INSC: variants seen among roughly 807,000 people sequenced by gnomAD.
INSC encodes the protein protein inscuteable homolog.
In INSC, 67 loss-of-function variants were observed where a neutral mutation model predicts 58.6. The observed-to-expected ratio is 1.14, with a 90% CI of 0.94 to 1.40. The LOEUF (loss-of-function observed/expected upper bound fraction) is 1.40. INSC is among the 40% of genes most tolerant of loss of function. The probability of loss-of-function intolerance (pLI) is 0.00; values close to 1 mark genes in which losing one functional copy is unlikely to be tolerated. For synonymous variants in INSC, 262 were observed against 276.1 expected, an observed-to-expected ratio of 0.95 and a Z score of 0.51; for missense variants, 714 against 692.0, an observed-to-expected ratio of 1.03 and a Z score of -0.36.
chr11:15,130,746 A>G (rs1457462097), intron 1 of INSC, among the ~76,000 whole-genome samples: 3 of 152,136 alleles, frequency 2.0e-5, no homozygotes, highest in African/African-American at 4.8e-5. Context: ...TTCAGTGGTT[A>G]TAGATCTATT....
In INSC at chr11:15,165,695, T is replaced by G. The variant is rs192339098; in HGVS notation, c.57-10046T>G. ...AGAAGAAGTGATGAATGTAACAGTCTGAGATGTCCTGTGGAGTCCAGAGAG... is the reference window on the plus strand; with the variant it reads ...AGAAGAAGTGATGAATGTAACAGTCGGAGATGTCCTGTGGAGTCCAGAGAG... On this transcript the variant is annotated intron_variant, in intron 2 of 12. Coordinates refer to ENST00000379556, the MANE Select transcript of INSC (RefSeq NM_001042536.3). Among the ~76,000 whole-genome samples, 42 of 152,176 alleles carry G rather than the reference T, an allele frequency of 2.8e-4. No individual in the cohort carries two copies. In the East Asian group the frequency reaches 6.8e-3, roughly 25 times the overall value.
chr11:15,149,427 A>C (rs1246837091), intron 2 of INSC, among the ~76,000 whole-genome samples, 197 bp downstream of exon 2: 2 of 152,248 alleles, frequency 1.3e-5, no homozygotes, highest in African/African-American at 4.8e-5. Context: ...GACACTGAAG[A>C]ATCAGGCATA....
intron 7 of INSC, among the ~76,000 whole-genome samples, chr11:15,201,337 G>A (rs1434419565): frequency 6.6e-6 from 1 of 152,144 alleles, no homozygotes; most frequent in Non-Finnish European, 1.5e-5. Context: ...GATCCTGGGA[G>A]CATTGACTGG....
intron 7 of INSC, among the ~76,000 whole-genome samples, chr11:15,210,742 C>T (rs1480122728): frequency 6.6e-6 from 1 of 152,056 alleles, no homozygotes; most frequent in Non-Finnish European, 1.5e-5. Flanking sequence ...AGAGGTGGCA[C>T]TCTCAGCCAC....
the INSC span, among the ~76,000 whole-genome samples, chr11:15,265,213 C>T: frequency 2.0e-5 from 3 of 151,958 alleles, no homozygotes; most frequent in Non-Finnish European, 2.9e-5. Flanking sequence ...ATATTTGTTC[C>T]TTGAATGCAA....
At position 15,205,786 on chromosome 11, in the gene INSC, G is replaced by C. The variant is rs142205752; in HGVS notation, c.819+4837G>C. 2.4e-4 allele frequency among the ~76,000 whole-genome samples: 36 copies of C among 152,182 alleles called. No individual in the cohort carries two copies. In the East Asian group the frequency reaches 4.1e-3, roughly 17 times the overall value. ...GAGCTTGGATGCAAACCTAAGTCTGGCTGGTTCTAAACTCCTGCTCTTTCC... is the reference window on the plus strand; with the variant it reads ...GAGCTTGGATGCAAACCTAAGTCTGCCTGGTTCTAAACTCCTGCTCTTTCC... On this transcript the variant is annotated intron_variant, in intron 7 of 12. Transcript: ENST00000379556.
the INSC span, among the ~76,000 whole-genome samples, chr11:15,264,002 C>T: frequency 6.6e-6 from 1 of 151,426 alleles, no homozygotes; most frequent in Non-Finnish European, 1.5e-5. Context: ...GCTACTGCTG[C>T]GTATCTCTGA....
At chr11:15,221,746 C>A in intron 8 of INSC, 98 bp downstream of exon 8, 1 of 1,085,922 alleles carries the variant, frequency 9.2e-7, no homozygotes, top group Non-Finnish European at 1.3e-6. Flanking sequence ...CCACTCATTG[C>A]ACCCCAAATA....
At chr11:15,238,187 T>C (rs1305244667) in intron 10 of INSC, among the ~76,000 whole-genome samples, 4 of 151,904 alleles carry the variant, frequency 2.6e-5, no homozygotes, top group Non-Finnish European at 5.9e-5. Context: ...CGGACATGGG[T>C]ATGGTTTCTA....
intron 2 of INSC, among the ~76,000 whole-genome samples, chr11:15,150,238 A>G (rs1302923431): frequency 1.3e-5 from 2 of 152,224 alleles, no homozygotes; most frequent in South Asian, 4.1e-4. Flanking sequence ...CCACATACAC[A>G]GAGAAGGCGC....
chr11:15,165,587 C>G (rs549541653), intron 2 of INSC, among the ~76,000 whole-genome samples: 1 of 152,102 alleles, frequency 6.6e-6, no homozygotes, highest in Non-Finnish European at 1.5e-5. Context: ...CAGTGGTAAC[C>G]AACAGGAGTC....
the INSC span, among the ~76,000 whole-genome samples, chr11:15,258,436 A>G: frequency 6.6e-6 from 1 of 152,210 alleles, no homozygotes; most frequent in Non-Finnish European, 1.5e-5. Context: ...AAGGTTCTTT[A>G]TAATTGTGAC....
chr11:15,165,412 C>T (rs1246629824), intron 2 of INSC, among the ~76,000 whole-genome samples: 1 of 152,088 alleles, frequency 6.6e-6, no homozygotes, highest in Non-Finnish European at 1.5e-5. Context: ...TTAATAATCA[C>T]CAAAAGCCCA....
chr11:15,120,199 A>G (rs1438352958), intron 1 of INSC, among the ~76,000 whole-genome samples: 1 of 152,220 alleles, frequency 6.6e-6, no homozygotes, highest in Admixed American at 6.5e-5. Flanking sequence ...AGAAAGTACA[A>G]CCAAAACTGA....
chr11:15,149,049 T>C, intron 1 of INSC, 81 bp from the exon 2 acceptor site: 1 of 1,449,602 alleles, frequency 6.9e-7, no homozygotes. Context: ...CTTTGGTTCC[T>C]TGTGGCCTGG....
At chr11:15,259,510 T>C in the INSC span, among the ~76,000 whole-genome samples, 1 of 152,220 alleles carries the variant, frequency 6.6e-6, no homozygotes, top group East Asian at 1.9e-4. Context: ...AAGAGTTGTA[T>C]GACTTGAGTT....
chr11:15,230,003 AT>A (rs1264473509), intron 9 of INSC, among the ~76,000 whole-genome samples: 81 of 25,460 alleles, frequency 3.2e-3, no homozygotes, highest in South Asian at 0.028. Context: ...ATATATATAT[AT>A]ATATATATAA....
At chr11:15,174,998 A>G (rs988998463) in intron 2 of INSC, among the ~76,000 whole-genome samples, 1 of 152,206 alleles carries the variant, frequency 6.6e-6, no homozygotes, top group Admixed American at 6.5e-5. Flanking sequence ...GATCTTAGGA[A>G]CTAATCTATG....
intron 7 of INSC, among the ~76,000 whole-genome samples, chr11:15,206,070 C>T (rs1420422432): frequency 6.6e-6 from 1 of 152,230 alleles, no homozygotes; most frequent in African/African-American, 2.4e-5. Flanking sequence ...AGCTTCAGGA[C>T]ATCTGTCCTT....
Sources: allele counts gnomAD v4.1 joint callset (sites outside exome capture counted in the v4.1 genomes callset), GRCh38; gene constraint gnomAD v4.1.1; transcripts MANE v1.5; gene names NCBI Gene and HGNC (gene_info 2026-07-23, HGNC 2026-07-21).